BDP1: variants seen among roughly 807,000 people sequenced by gnomAD.
BDP1 encodes transcription factor TFIIIB component B'' homolog.
BDP1 carries 169 observed loss-of-function variants against 266.6 expected under a neutral mutation model. That is an observed-to-expected ratio of 0.63 (90% CI 0.56 to 0.72). The LOEUF is 0.72. Among genes scored for constraint, BDP1 ranks in the 30% least tolerant of loss-of-function variants. The probability of loss-of-function intolerance (pLI) is 0.00; values close to 1 mark genes in which losing one functional copy is unlikely to be tolerated. For synonymous variants in BDP1, 1,090 were observed against 1,022.4 expected (o/e 1.07, Z -1.26); for missense variants, 3,015 against 3,053.8 (o/e 0.99, Z 0.30).
At chr5:71,525,157 C>T (rs534978347) in intron 25 of BDP1, among the ~76,000 whole-genome samples, 157 of 152,308 alleles carry the variant, frequency 1.0e-3, no homozygotes, top group Admixed American at 3.2e-3. Context: ...GAGTACACCT[C>T]GCAGACGGGG....
chr5:71,561,017 C>T (rs912158661), intron 37 of BDP1, among the ~76,000 whole-genome samples: 2 of 151,500 alleles, frequency 1.3e-5, no homozygotes, highest in African/African-American at 4.8e-5. Flanking sequence ...AGGCTGAGGC[C>T]GGAGTTTGAG....
intron 7 of BDP1, among the ~76,000 whole-genome samples, chr5:71,473,795 C>T (rs922188821): frequency 6.6e-5 from 10 of 152,042 alleles, no homozygotes; most frequent in Non-Finnish European, 1.5e-4. Flanking sequence ...CGTCATTTAA[C>T]ATTAGGTATA....
Position 71,517,390 on chromosome 5 carries a change from A to T in BDP1, c.4929A>T (p.Glu1643Asp). The T allele has an allele frequency of 6.2e-7, 1 of 1,605,846 alleles. No homozygotes were observed. The highest frequency in any genetic ancestry group is 8.5e-7 in the Non-Finnish European group (1 of 1,178,002). Residue 1643 changes from glutamate (E) to aspartate (D), a missense_variant, in exon 22 of 39, where the codon GAA becomes GAT. Transcript: ENST00000358731. ...SSAVPEHRMY[E>D]NQSQVVLVEN... ...CAGTTCCAGAACACAGAATGTATGA[A>T]AATCAAAGTCAGGTGGTTCTTGTAG...
intron 32 of BDP1, among the ~76,000 whole-genome samples, chr5:71,545,847 A>T (rs920878190): frequency 2.0e-5 from 3 of 151,560 alleles, no homozygotes; most frequent in Non-Finnish European, 4.4e-5. Context: ...CATTAAAAAA[A>T]AAAAAAGCCA....
At chr5:71,562,221 A>G in intron 37 of BDP1, 53 bp from the exon 38 acceptor site, 5 of 1,293,836 alleles carry the variant, frequency 3.9e-6, no homozygotes, top group Non-Finnish European at 5.2e-6. Flanking sequence ...AAAAAAAAAA[A>G]AAGAATGTGT....
intron 22 of BDP1, among the ~76,000 whole-genome samples, chr5:71,519,157 CT>C (rs1172485805): frequency 6.6e-6 from 1 of 152,050 alleles, no homozygotes; most frequent in East Asian, 1.9e-4. Flanking sequence ...GCCCCTCCCC[CT>C]GCTTTTTGTC....
chr5:71,536,864 C>T lies in BDP1; in HGVS notation c.5893-2178C>T, dbSNP rs573720077. Among the ~76,000 whole-genome samples the T allele has an allele frequency of 1.2e-3, 187 of 152,130 alleles. 1 individual carries two copies. The highest frequency in any genetic ancestry group is 4.4e-3 in the African/African-American group (181 of 41,510). ...CTGAACCAGGTCGAGCGCGTTGGCT[C>T]ACGCCTATAATCCCAGCACTTTGGG... On this transcript the variant is annotated intron_variant, in intron 26 of 38. Coordinates refer to ENST00000358731, the MANE Select transcript of BDP1 (RefSeq NM_018429.3).
At chr5:71,471,676 C>T (rs1762262695) in intron 7 of BDP1, among the ~76,000 whole-genome samples, 1 of 152,190 alleles carries the variant, frequency 6.6e-6, no homozygotes, top group African/African-American at 2.4e-5. Flanking sequence ...AAACTTTATA[C>T]AAGTTTTCTG....
At position 71,470,891 on chromosome 5, in the gene BDP1, CT is replaced by C. The variant is rs56915738; in HGVS notation, c.1014+415del. ...CAGGCTAGAGCCACCGTGCCCAGCC[CT>C]TTTTTTTTTTTTAAACTGTTATGAT... On this transcript the variant is annotated intron_variant, in intron 7 of 38. Coordinates refer to ENST00000358731, the MANE Select transcript of BDP1 (RefSeq NM_018429.3). 2.7e-3 allele frequency among the ~76,000 whole-genome samples: 389 copies of C among 143,918 alleles called. 1 individual carries two copies. The highest frequency in any genetic ancestry group is 3.5e-3 in the Middle Eastern group (1 of 286). The allele number at this position is 143,918 out of a possible 152,430, so 94.4% of individuals were successfully genotyped here. A position where few individuals can be genotyped will look rare whatever the true frequency, so the allele number is the denominator to read the frequency against.
At chr5:71,564,693 CATATAT>C (rs1168092217) in intron 38 of BDP1, 55 bp from the exon 39 acceptor site, 1 of 1,333,652 alleles carries the variant, frequency 7.5e-7, no homozygotes, top group Non-Finnish European at 1.0e-6. Flanking sequence ...TATACACACA[CATATAT>C]ATATAAATGT....
intron 2 of BDP1, among the ~76,000 whole-genome samples, chr5:71,460,749 TA>T (rs937596524): frequency 1.5e-4 from 23 of 151,920 alleles, no homozygotes; most frequent in African/African-American, 4.6e-4. Flanking sequence ...GTGGGGGGAT[TA>T]AAAAAAAGTT....
chr5:71,515,220 A>G (rs1765157641), intron 20 of BDP1, 98 bp downstream of exon 20: 1 of 937,800 alleles, frequency 1.1e-6, no homozygotes, highest in Admixed American at 3.3e-5. Context: ...TTAAAAAGTG[A>G]ACATAAAGAA....
At position 71,510,727 on chromosome 5, in the gene BDP1, A is replaced by AG. The variant is rs1764870434; in HGVS notation, c.3635_3636insG (p.Asn1212LysfsTer11). 6.2e-7 allele frequency: 1 copy of AG among 1,614,034 alleles called. No individual in the cohort carries two copies. The highest frequency in any genetic ancestry group is 8.5e-7 in the Non-Finnish European group (1 of 1,180,030). On this transcript the variant is annotated frameshift_variant, in exon 17 of 39. Transcript: ENST00000358731. LOFTEE classifies it high-confidence loss of function. ...GAAAGAGAAATATCGCCACAGGAAA[A>AG]TGGCCCAGAGGAGGTCAAGCCTGTA...
intron 7 of BDP1, among the ~76,000 whole-genome samples, chr5:71,472,318 G>A (rs200611948): frequency 3.9e-5 from 6 of 152,230 alleles, no homozygotes; most frequent in South Asian, 4.1e-4. Context: ...AAAATTAGCC[G>A]GACGTGGTGG....
Position 71,480,570 on chromosome 5 carries a change from ATT to A in BDP1, c.1015-3259_1015-3258del, listed in dbSNP as rs146351408. ...TAGGCGTGAGCCACTGTGCCCGGCCATTTTTTTTTTTTTTGAGATGGAATCTC... is the reference window on the plus strand; with the variant it reads ...TAGGCGTGAGCCACTGTGCCCGGCCATTTTTTTTTTTTGAGATGGAATCTC... On this transcript the variant is annotated intron_variant, in intron 7 of 38. Transcript: ENST00000358731. Among the ~76,000 whole-genome samples, 116 of 138,386 alleles carry A rather than the reference ATT, an allele frequency of 8.4e-4. 1 individual carries two copies. Among genetic ancestry groups the A allele is most frequent in the East Asian group, 2.2e-3 (10 of 4,526 alleles). The allele number at this position is 138,386 out of a possible 152,430, so 90.8% of individuals were successfully genotyped here. A position where few individuals can be genotyped will look rare whatever the true frequency, so the allele number is the denominator to read the frequency against.
intron 8 of BDP1, 91 bp from the exon 9 acceptor site, chr5:71,486,393 C>G (rs1763263538): frequency 9.2e-7 from 1 of 1,083,510 alleles, no homozygotes; most frequent in African/African-American, 1.7e-5. Flanking sequence ...GATAAACAAA[C>G]CCATTTGCTT....
chr5:71,527,875 G>C lies in BDP1; in HGVS notation c.5772+3552G>C, dbSNP rs957951076. Among the ~76,000 whole-genome samples the C allele has an allele frequency of 4.0e-5, 6 of 149,328 alleles. No individual in the cohort carries two copies. The South Asian group carries it at 1.3e-3, about 32-fold the overall frequency. The stretch of plus-strand genomic sequence containing the variant: ...GTTGCCTAGGCTGGAGTAGAGTACA[G>C]TGGCGCAATCTTGGCTCACTGTAAC... On this transcript the variant is annotated intron_variant, in intron 25 of 38. Transcript: ENST00000358731.
chr5:71,483,824 G>GT lies in BDP1; in HGVS notation c.1015-12dup, dbSNP rs1318844042. 2 of 1,591,434 alleles carry GT rather than the reference G, an allele frequency of 1.3e-6. No homozygotes were observed. The highest frequency in any genetic ancestry group is 2.2e-5 in the East Asian group (1 of 44,654). ...TTTTATGAGAGAAAATTACCATAGGGTTTTTTGTTGTTAACAGAATAAATT... is the reference window on the plus strand; with the variant it reads ...TTTTATGAGAGAAAATTACCATAGGGTTTTTTTGTTGTTAACAGAATAAATT... On this transcript the variant is annotated splice_polypyrimidine_tract_variant and intron_variant, in intron 7 of 38. Coordinates refer to ENST00000358731, the MANE Select transcript of BDP1 (RefSeq NM_018429.3).
Position 71,501,527 on chromosome 5 carries a change from G to GT in BDP1, c.1957-34dup, listed in dbSNP as rs371047694. The GT allele has an allele frequency of 7.3e-4, 905 of 1,231,800 alleles. 11 individuals are homozygous for GT. In the African/African-American group the frequency reaches 0.012, roughly 16 times the overall value. The allele number at this position is 1,231,800 out of a possible 1,614,324, so 76.3% of individuals were successfully genotyped here. A position where few individuals can be genotyped will look rare whatever the true frequency, so the allele number is the denominator to read the frequency against. ...TATTACAAAGTTTGAACTGTTTATT[G>GT]TAAGTAGATAAATTGTAGCAAATTA... On this transcript the variant is annotated intron_variant, in intron 13 of 38. Coordinates refer to ENST00000358731, the MANE Select transcript of BDP1 (RefSeq NM_018429.3).
Sources: allele counts gnomAD v4.1 joint callset (sites outside exome capture counted in the v4.1 genomes callset), GRCh38; gene constraint gnomAD v4.1.1; transcripts MANE v1.5; gene names NCBI Gene and HGNC (gene_info 2026-07-23, HGNC 2026-07-21).